The following SLC25A21 variants were observed in gnomAD, a reference collection of about 807,000 sequenced individuals.
SLC25A21 encodes solute carrier family 25 member 21.
A neutral mutation model predicts 43.8 loss-of-function variants in SLC25A21; 47 were observed. The observed-to-expected ratio is 1.07, with a 90% confidence interval of 0.85 to 1.37. The LOEUF is 1.37. Ranked by LOEUF, SLC25A21 falls within the 40% of genes most tolerant of loss-of-function variation. The probability of loss-of-function intolerance (pLI) is 0.00; values close to 1 mark genes in which losing one functional copy is unlikely to be tolerated. For synonymous variants in SLC25A21, 131 were observed against 121.3 expected, an observed-to-expected ratio of 1.08 and a Z score of -0.52; for missense variants, 352 against 350.2, an observed-to-expected ratio of 1.00 and a Z score of -0.04.
intron 1 of SLC25A21, among the ~76,000 whole-genome samples, chr14:37,139,486 CA>C (rs1022710499): frequency 4.6e-5 from 7 of 151,582 alleles, no homozygotes; most frequent in Admixed American, 2.6e-4. Flanking sequence ...TTTTTACTCA[CA>C]AAAAAAACTG....
intron 1 of SLC25A21, among the ~76,000 whole-genome samples, chr14:37,025,484 G>A (rs116165338): frequency 4.6e-5 from 7 of 152,106 alleles, no homozygotes; most frequent in Admixed American, 3.3e-4. Flanking sequence ...GTTAATAAAC[G>A]TGATTATCAT....
Position 36,887,291 on chromosome 14 carries a change from C to T in SLC25A21, c.71-12287G>A, listed in dbSNP as rs536338630. The stretch of plus-strand genomic sequence containing the variant: ...TCTAAAGTGAAAAAAAGGCCAGGCG[C>T]GGTGGCTCACACCTGTAATCTCGAT... On this transcript the variant is annotated intron_variant, in intron 1 of 9. Coordinates refer to ENST00000331299, the MANE Select transcript of SLC25A21 (RefSeq NM_030631.4). Among the ~76,000 whole-genome samples the T allele has an allele frequency of 1.1e-4, 17 of 151,758 alleles. No individual in the cohort carries two copies. In the South Asian group the frequency reaches 1.9e-3, roughly 17 times the overall value.
intron 1 of SLC25A21, among the ~76,000 whole-genome samples, chr14:36,879,554 A>G (rs1207421764): frequency 6.6e-6 from 1 of 152,160 alleles, no homozygotes; most frequent in East Asian, 1.9e-4. Context: ...TGACCCTACC[A>G]CAGGCACAAA....
At chr14:36,739,671 T>C (rs975424712) in intron 3 of SLC25A21, among the ~76,000 whole-genome samples, 2 of 134,652 alleles carry the variant, frequency 1.5e-5, no homozygotes, top group Non-Finnish European at 3.1e-5. Context: ...AGCAAGACTC[T>C]GTCTAAAAAA....
At chr14:36,962,536 C>G (rs1025526504) in intron 1 of SLC25A21, among the ~76,000 whole-genome samples, 1 of 152,132 alleles carries the variant, frequency 6.6e-6, no homozygotes, top group Non-Finnish European at 1.5e-5. Flanking sequence ...CATTCTCTAT[C>G]TCTCTTTTTT....
At chr14:36,838,814 T>G (rs1195913967) in intron 2 of SLC25A21, among the ~76,000 whole-genome samples, 2 of 152,218 alleles carry the variant, frequency 1.3e-5, no homozygotes, top group African/African-American at 2.4e-5. Flanking sequence ...TTCTTAGTAG[T>G]CGCCAGTAGA....
chr14:36,745,774 T>C (rs532822721), intron 3 of SLC25A21, among the ~76,000 whole-genome samples: 3 of 152,176 alleles, frequency 2.0e-5, no homozygotes, highest in South Asian at 4.1e-4. Flanking sequence ...ATTGCAAAAA[T>C]TGTCTCCCAT....
At chr14:36,691,095 T>C (rs991520947) in intron 7 of SLC25A21, among the ~76,000 whole-genome samples, 3 of 152,176 alleles carry the variant, frequency 2.0e-5, no homozygotes, top group Non-Finnish European at 4.4e-5. Flanking sequence ...CAAAGGGATA[T>C]AATCTTGAAT....
chr14:36,688,113 T>G (rs577909720), intron 7 of SLC25A21, among the ~76,000 whole-genome samples: 24 of 152,176 alleles, frequency 1.6e-4, no homozygotes, highest in Non-Finnish European at 3.2e-4. Context: ...CTTTCCCAAC[T>G]CCACGCTTTT....
chr14:36,761,915 G>A (rs1171705262), intron 3 of SLC25A21, among the ~76,000 whole-genome samples: 1 of 152,128 alleles, frequency 6.6e-6, no homozygotes, highest in Admixed American at 6.5e-5. Flanking sequence ...CCTTCCTGCT[G>A]CCAGATTTCT....
intron 7 of SLC25A21, among the ~76,000 whole-genome samples, chr14:36,699,138 G>A (rs552242340): frequency 8.1e-4 from 120 of 148,628 alleles, no homozygotes; most frequent in Non-Finnish European, 1.5e-3. Flanking sequence ...TTTTAATTTG[G>A]ATGCTATTCC....
At chr14:36,753,160 C>A (rs1284544604) in intron 3 of SLC25A21, among the ~76,000 whole-genome samples, 1 of 151,488 alleles carries the variant, frequency 6.6e-6, no homozygotes, top group African/African-American at 2.4e-5. Flanking sequence ...GATGGTTGCA[C>A]AACAGTGTGA....
At chr14:36,981,857 TA>T (rs902908124) in intron 1 of SLC25A21, among the ~76,000 whole-genome samples, 54 of 152,054 alleles carry the variant, frequency 3.6e-4, no homozygotes, top group African/African-American at 5.5e-4. Context: ...AAAATTAAAT[TA>T]AAAAAATAAA....
chr14:36,956,260 G>C (rs1826026158), intron 1 of SLC25A21, among the ~76,000 whole-genome samples: 1 of 152,254 alleles, frequency 6.6e-6, no homozygotes, highest in African/African-American at 2.4e-5. Flanking sequence ...GAGATGCATA[G>C]TACACGCAGT....
intron 3 of SLC25A21, among the ~76,000 whole-genome samples, chr14:36,750,914 T>C (rs912542697): frequency 3.3e-5 from 5 of 152,144 alleles, no homozygotes; most frequent in Admixed American, 3.3e-4. Context: ...GAGTGCTTCA[T>C]GCCTCTGCTC....
intron 2 of SLC25A21, among the ~76,000 whole-genome samples, chr14:36,815,483 C>T (rs976683342): frequency 9.2e-5 from 14 of 152,200 alleles, no homozygotes; most frequent in Admixed American, 4.6e-4. Context: ...TATCGCTACT[C>T]GGTGATGGAA....
chr14:37,138,260 A>C (rs1473068043), intron 1 of SLC25A21, among the ~76,000 whole-genome samples: 1 of 152,206 alleles, frequency 6.6e-6, no homozygotes, highest in Non-Finnish European at 1.5e-5. Context: ...GAAGAAAAAG[A>C]AAAACAACAA....
rs546093338 is a variant in SLC25A21, at chr14:36,814,392, T to C, written c.120-391A>G. Reference sequence around the variant, plus strand: ...GCTATTTCTTATAAGTCTTCCTTGATGGCAATTTAGTATGAAGGTTAAAAA... The same window carrying C: ...GCTATTTCTTATAAGTCTTCCTTGACGGCAATTTAGTATGAAGGTTAAAAA... On this transcript the variant is annotated intron_variant, in intron 2 of 9. Coordinates refer to ENST00000331299, the MANE Select transcript of SLC25A21 (RefSeq NM_030631.4). Among the ~76,000 whole-genome samples the C allele has an allele frequency of 1.6e-4, 25 of 151,932 alleles. 1 individual carries two copies. In the East Asian group the frequency reaches 4.8e-3, roughly 29 times the overall value.
At chr14:37,037,438 T>C (rs983697091) in intron 1 of SLC25A21, among the ~76,000 whole-genome samples, 2 of 152,200 alleles carry the variant, frequency 1.3e-5, no homozygotes, top group Non-Finnish European at 2.9e-5. Flanking sequence ...CTGAATCCTC[T>C]ACACGAGAAA....
Sources: gnomAD v4.1 joint callset for allele counts (sites outside exome capture counted in the v4.1 genomes callset) on GRCh38, gnomAD v4.1.1 for gene constraint, MANE v1.5 for transcripts, NCBI Gene and HGNC (gene_info 2026-07-23, HGNC 2026-07-21) for gene names.